Variants in KATNAL1 observed in about 807,000 individuals in gnomAD.
The protein encoded by KATNAL1 is katanin catalytic subunit A1 like 1.
KATNAL1 carries 32 observed loss-of-function variants against 55.2 expected under a neutral mutation model. The ratio of observed to expected loss-of-function variants is 0.58; its 90% CI spans 0.44 to 0.78. The LOEUF is 0.78. Ranked by LOEUF, KATNAL1 falls within the 30% of genes least tolerant of loss-of-function variation. The probability of loss-of-function intolerance (pLI) is 0.00; values close to 1 mark genes in which losing one functional copy is unlikely to be tolerated. For synonymous variants in KATNAL1, 193 were observed against 193.6 expected, an observed-to-expected ratio of 1.00 and a Z score of 0.02; for missense variants, 466 against 600.9, an observed-to-expected ratio of 0.78 and a Z score of 2.35.
intron 4 of KATNAL1, among the ~76,000 whole-genome samples, chr13:30,247,413 C>T (rs754060766): frequency 5.9e-5 from 9 of 152,174 alleles, no homozygotes; most frequent in Admixed American, 2.0e-4. Flanking sequence ...CCTATCAATA[C>T]GTATGTTCTT....
chr13:30,250,258 AC>A (rs1878173799), intron 4 of KATNAL1, among the ~76,000 whole-genome samples: 1 of 152,260 alleles, frequency 6.6e-6, no homozygotes. Context: ...TGCAGACTAA[AC>A]TTAAAAGCAT....
intron 1 of KATNAL1, among the ~76,000 whole-genome samples, chr13:30,297,302 A>G (rs1054911928): frequency 8.5e-5 from 13 of 152,166 alleles, no homozygotes; most frequent in African/African-American, 3.1e-4. Context: ...AGCCATCAAG[A>G]TAAGATCCCC....
At chr13:30,209,090 A>C (rs960626409) in intron 10 of KATNAL1, among the ~76,000 whole-genome samples, 5 of 152,226 alleles carry the variant, frequency 3.3e-5, no homozygotes, top group Non-Finnish European at 7.3e-5. Flanking sequence ...ACATATGGCT[A>C]ATGTTAAGAT....
intron 9 of KATNAL1, among the ~76,000 whole-genome samples, chr13:30,226,373 A>T (rs1210940843): frequency 6.6e-6 from 1 of 152,232 alleles, no homozygotes; most frequent in Non-Finnish European, 1.5e-5. Flanking sequence ...GAATAACTTA[A>T]ATACCAATCA....
At chr13:30,212,414 T>C (rs1420365095) in intron 9 of KATNAL1, among the ~76,000 whole-genome samples, 1 of 152,242 alleles carries the variant, frequency 6.6e-6, no homozygotes, top group African/African-American at 2.4e-5. Flanking sequence ...ACCCTGGTGC[T>C]TGCTTGCTCA....
intron 3 of KATNAL1, among the ~76,000 whole-genome samples, chr13:30,262,937 T>C (rs1879430714): frequency 1.3e-5 from 2 of 152,310 alleles, no homozygotes; most frequent in South Asian, 4.1e-4. Flanking sequence ...TTCAGACCAA[T>C]ATCCTTGATG....
chr13:30,265,438 T>G (rs1272846343), intron 3 of KATNAL1, among the ~76,000 whole-genome samples: 1 of 151,480 alleles, frequency 6.6e-6, no homozygotes, highest in African/African-American at 2.4e-5. Flanking sequence ...CATTCCCTCA[T>G]TATCTAAGCA....
intron 1 of KATNAL1, among the ~76,000 whole-genome samples, chr13:30,289,599 A>G (rs991721228): frequency 2.6e-5 from 4 of 152,236 alleles, no homozygotes; most frequent in Admixed American, 1.3e-4. Flanking sequence ...ATATCAGTGT[A>G]TATTGTATTT....
In KATNAL1 at chr13:30,233,569, T is replaced by A. The variant is rs1312567478; in HGVS notation, c.727-2097A>T. 2.0e-5 allele frequency among the ~76,000 whole-genome samples: 3 copies of A among 147,746 alleles called. No individual in the cohort carries two copies. In the East Asian group the frequency reaches 6.0e-4, roughly 29 times the overall value. ...AACTAAAAGCAGATCTACCATATGA[T>A]CCAGCAATTCCACTACCGGGAATAT... On this transcript the variant is annotated intron_variant, in intron 6 of 10. Coordinates refer to ENST00000380615, the MANE Select transcript of KATNAL1 (RefSeq NM_032116.5).
In KATNAL1 at chr13:30,255,620, CAAA is replaced by C. The variant is rs11348486; in HGVS notation, c.324-8_324-6del. The stretch of plus-strand genomic sequence containing the variant: ...CGCCTGATCTGAGGTGGAGCTCTGA[CAAA>C]AAAAAAAAAAAAAAAATTAAAATTA... On this transcript the variant is annotated splice_polypyrimidine_tract_variant and splice_region_variant and intron_variant, in intron 3 of 10. Coordinates refer to ENST00000380615, the MANE Select transcript of KATNAL1 (RefSeq NM_032116.5). 0.01 allele frequency: 10,873 copies of C among 1,049,180 alleles called. No homozygotes were observed. Among genetic ancestry groups the C allele is most frequent in the East Asian group, 0.018 (462 of 26,236 alleles). The allele number at this position is 1,049,180 out of a possible 1,614,324, so 65.0% of individuals were successfully genotyped here.
At chr13:30,294,073 C>A (rs61948762) in intron 1 of KATNAL1, among the ~76,000 whole-genome samples, 80,992 of 151,962 alleles carry the variant, frequency 0.53, 22,920 homozygotes, top group African/African-American at 0.73. Flanking sequence ...CTCTTCTCCT[C>A]GGGCCTCCTT....
At position 30,208,426 on chromosome 13, in the gene KATNAL1, T is replaced by A; in HGVS notation, c.*114A>T. The A allele has an allele frequency of 1.2e-6, 1 of 836,342 alleles. No individual in the cohort carries two copies. Among genetic ancestry groups the A allele is most frequent in the Non-Finnish European group, 1.8e-6 (1 of 554,148 alleles). The allele number at this position is 836,342 out of a possible 1,614,324, so 51.8% of individuals were successfully genotyped here. On this transcript the variant is annotated 3_prime_UTR_variant, in exon 11 of 11. Coordinates refer to ENST00000380615, the MANE Select transcript of KATNAL1 (RefSeq NM_032116.5). ...TTCGCAGTTTTAGATTTTTTTTTCC[T>A]TTAAGCGAAAACCACTCCACTGAAA... is the stretch of plus-strand genomic sequence containing the variant.
intron 3 of KATNAL1, among the ~76,000 whole-genome samples, chr13:30,277,377 G>C (rs1880918322): frequency 6.6e-6 from 1 of 152,130 alleles, no homozygotes; most frequent in Admixed American, 6.5e-5. Flanking sequence ...CTAATGTTTA[G>C]AGAGGTTAAA....
rs772455699 is a variant in KATNAL1, at chr13:30,210,436, C to G, written c.1154G>C (p.Gly385Ala). The change falls in exon 10 of 11, where the codon GGA becomes GCA. Residue 385 changes from glycine (G) to alanine (A), a missense_variant. Coordinates refer to ENST00000380615, the MANE Select transcript of KATNAL1 (RefSeq NM_032116.5). Reference sequence around the variant, plus strand: ...GTTGATCTTCAGAAGCTCAGCTCTTCCTTTTGCTGTTACAAGATTTTGGTG... The same window carrying G: ...GTTGATCTTCAGAAGCTCAGCTCTTGCTTTTGCTGTTACAAGATTTTGGTG... ...RIYIPLPTAK[G>A]RAELLKINLR... 34 of 1,596,314 alleles carry G rather than the reference C, an allele frequency of 2.1e-5. No homozygotes were observed. Among genetic ancestry groups the G allele is most frequent in the Non-Finnish European group, 2.7e-5 (32 of 1,174,394 alleles).
At chr13:30,292,784 A>T (rs1882219970) in intron 1 of KATNAL1, among the ~76,000 whole-genome samples, 1 of 152,154 alleles carries the variant, frequency 6.6e-6, no homozygotes, top group African/African-American at 2.4e-5. Context: ...GCATGTCTGT[A>T]AATACCTTTA....
chr13:30,290,513 G>C (rs1007899882), intron 1 of KATNAL1, among the ~76,000 whole-genome samples: 7 of 152,120 alleles, frequency 4.6e-5, no homozygotes, highest in African/African-American at 1.7e-4. Flanking sequence ...TAATGAAATT[G>C]AATACAGAAG....
At chr13:30,287,862 C>A (rs1181423045) in intron 1 of KATNAL1, among the ~76,000 whole-genome samples, 1 of 152,056 alleles carries the variant, frequency 6.6e-6, no homozygotes, top group Non-Finnish European at 1.5e-5. Context: ...CTGTAAAAGA[C>A]CTAACAAGTA....
Position 30,283,676 on chromosome 13 carries a change from C to T in KATNAL1, c.102G>A (p.Gln34=). 1 of 1,614,018 alleles carries T rather than the reference C, an allele frequency of 6.2e-7. No individual in the cohort carries two copies. The highest frequency in any genetic ancestry group is 1.1e-5 in the South Asian group (1 of 91,070). The part of the protein sequence containing the change: ...SSMVYYQGVM[Q]QIQRHCQSVR... ...CTGACTGGCAATGTCTCTGAATCTG[C>T]TGCATCACCCCCTGGTAATATACCA... The change falls in exon 2 of 11, where the codon CAG becomes CAA. Residue 34 remains glutamine, a synonymous_variant. Coordinates refer to ENST00000380615, the MANE Select transcript of KATNAL1 (RefSeq NM_032116.5).
At chr13:30,255,661 A>T in intron 3 of KATNAL1, 46 bp from the exon 4 acceptor site, 1 of 1,343,466 alleles carries the variant, frequency 7.4e-7, no homozygotes, top group Non-Finnish European at 9.6e-7. Flanking sequence ...ATTAAAATTA[A>T]TCAAAGGCAA....
Sources: allele counts gnomAD v4.1 joint callset (sites outside exome capture counted in the v4.1 genomes callset), GRCh38; gene constraint gnomAD v4.1.1; transcripts MANE v1.5; gene names NCBI Gene and HGNC (gene_info 2026-07-23, HGNC 2026-07-21).